The following AGBL4 variants were observed in gnomAD, a reference collection of about 807,000 sequenced individuals.
The protein encoded by AGBL4 is cytosolic carboxypeptidase 6.
AGBL4 carries 58 observed loss-of-function variants against 66.4 expected under a neutral mutation model. That is an observed-to-expected ratio of 0.87 (90% CI 0.71 to 1.09). The LOEUF (loss-of-function observed/expected upper bound fraction) is 1.09, where lower values mean the gene tolerates loss of function less well. Ranked by LOEUF, AGBL4 falls within the 50% of genes least tolerant of loss-of-function variation. The probability of loss-of-function intolerance (pLI) is 0.00; values close to 1 mark genes in which losing one functional copy is unlikely to be tolerated. For missense variants in AGBL4, 579 were observed against 631.0 expected (o/e 0.92, Z 0.88); for synonymous variants, 234 against 222.9 (o/e 1.05, Z -0.44).
intron 2 of AGBL4, among the ~76,000 whole-genome samples, chr1:49,796,489 A>G (rs1644732695): frequency 6.6e-6 from 1 of 151,532 alleles, no homozygotes; most frequent in Non-Finnish European, 1.5e-5. Context: ...ATTCTGTTAC[A>G]AAGACTATTA....
At chr1:49,155,565 C>G (rs1646413524) in intron 4 of AGBL4, among the ~76,000 whole-genome samples, 1 of 152,064 alleles carries the variant, frequency 6.6e-6, no homozygotes, top group Non-Finnish European at 1.5e-5. Flanking sequence ...GTCATATAGC[C>G]TGGTTCTAGG....
rs527288261 is a variant in AGBL4, at chr1:48,603,958, C to A, written c.952-12973G>T. Among the ~76,000 whole-genome samples the A allele has an allele frequency of 3.8e-3, 576 of 151,808 alleles. 4 individuals are homozygous for A. Among genetic ancestry groups the A allele is most frequent in the Middle Eastern group, 0.017 (5 of 294 alleles). ...ACTAAGAAAAACAACAAAACAACAA[C>A]AACAACAACAACAACAAAAACCAAA... On this transcript the variant is annotated intron_variant, in intron 9 of 13. Transcript: ENST00000371839.
At chr1:49,062,581 G>C (rs1399383523) in intron 4 of AGBL4, among the ~76,000 whole-genome samples, 1 of 152,202 alleles carries the variant, frequency 6.6e-6, no homozygotes, top group African/African-American at 2.4e-5. Context: ...AGTTGAAAAG[G>C]AAGGTGGAGG....
intron 5 of AGBL4, among the ~76,000 whole-genome samples, chr1:49,024,102 ATAAGT>A (rs1663455067): frequency 6.6e-6 from 1 of 152,188 alleles, no homozygotes; most frequent in South Asian, 2.1e-4. Context: ...ATTAATTTTG[ATAAGT>A]TGAGTTTACT....
chr1:49,660,767 A>G (rs931264374), intron 3 of AGBL4, among the ~76,000 whole-genome samples: 2 of 152,200 alleles, frequency 1.3e-5, no homozygotes, highest in African/African-American at 2.4e-5. Context: ...AATACTATGG[A>G]GTCATAAAAA....
chr1:49,504,122 G>C (rs1333155894), intron 3 of AGBL4, among the ~76,000 whole-genome samples: 1 of 152,028 alleles, frequency 6.6e-6, no homozygotes, highest in African/African-American at 2.4e-5. Context: ...ATGCTGTTCT[G>C]GTGATAGTGA....
chr1:49,065,905 C>T (rs780374355), intron 4 of AGBL4, among the ~76,000 whole-genome samples: 28 of 152,044 alleles, frequency 1.8e-4, no homozygotes, highest in Non-Finnish European at 3.5e-4. Context: ...GGGGAGAACA[C>T]GGGGAAAGTG....
intron 8 of AGBL4, among the ~76,000 whole-genome samples, chr1:48,639,937 G>A (rs182981963): frequency 8.5e-4 from 129 of 152,318 alleles, no homozygotes; most frequent in African/African-American, 3.0e-3. Context: ...GCTGCCTAAA[G>A]ACAGAGGAAC....
intron 2 of AGBL4, among the ~76,000 whole-genome samples, chr1:49,801,923 G>A: frequency 6.6e-6 from 1 of 152,184 alleles, no homozygotes; most frequent in East Asian, 1.9e-4. Flanking sequence ...TTTTAGAAGT[G>A]TCCTGTAAGA....
chr1:48,853,723 G>T (rs1647082285), intron 6 of AGBL4, among the ~76,000 whole-genome samples: 1 of 152,030 alleles, frequency 6.6e-6, no homozygotes, highest in South Asian at 2.1e-4. Context: ...TTATCCTTCA[G>T]ATTCCCATGA....
chr1:49,928,237 T>C (rs988687800), intron 1 of AGBL4, among the ~76,000 whole-genome samples: 1 of 152,102 alleles, frequency 6.6e-6, no homozygotes, highest in Admixed American at 6.5e-5. Context: ...GTACCTTTTT[T>C]ATTTTTTATT....
At chr1:49,318,147 T>C (rs1645071827) in intron 3 of AGBL4, among the ~76,000 whole-genome samples, 1 of 151,976 alleles carries the variant, frequency 6.6e-6, no homozygotes, top group South Asian at 2.1e-4. Context: ...TGACTTTTTA[T>C]TTAATAGTAT....
intron 5 of AGBL4, among the ~76,000 whole-genome samples, chr1:48,932,918 C>A (rs900230639): frequency 2.0e-5 from 3 of 152,136 alleles, no homozygotes; most frequent in African/African-American, 7.2e-5. Flanking sequence ...TAAAAACACA[C>A]ACACACACAC....
At chr1:48,753,099 G>A (rs962497906) in intron 6 of AGBL4, among the ~76,000 whole-genome samples, 4 of 152,174 alleles carry the variant, frequency 2.6e-5, no homozygotes, top group Non-Finnish European at 5.9e-5. Context: ...TCACTCTCTT[G>A]TACAGATGAG....
At position 49,565,781 on chromosome 1, in the gene AGBL4, G is replaced by A. The variant is rs771557716; in HGVS notation, c.282+131532C>T. Among the ~76,000 whole-genome samples the A allele has an allele frequency of 2.6e-4, 40 of 151,996 alleles. 2 individuals are homozygous for A. The highest frequency in any genetic ancestry group is 1.4e-3 in the Admixed American group (22 of 15,256). On this transcript the variant is annotated intron_variant, in intron 3 of 13. Transcript: ENST00000371839. ...GGTGAATCTGACAAGTATGTGTCTC[G>A]GAGTTGCTCTTCTTGAGGAGTATCT...
intron 3 of AGBL4, among the ~76,000 whole-genome samples, chr1:49,312,300 A>C (rs1305606011): frequency 1.3e-5 from 2 of 152,048 alleles, no homozygotes; most frequent in Non-Finnish European, 2.9e-5. Flanking sequence ...CCTCTGGAGG[A>C]TGCAGCAACA....
chr1:49,001,156 C>T (rs115575432), intron 5 of AGBL4, among the ~76,000 whole-genome samples: 227 of 152,248 alleles, frequency 1.5e-3, no homozygotes, highest in African/African-American at 4.9e-3. Context: ...TGCTTTGTTT[C>T]GAGAAGCTTC....
intron 5 of AGBL4, among the ~76,000 whole-genome samples, chr1:48,959,455 T>C (rs754450250): frequency 6.6e-6 from 1 of 152,230 alleles, no homozygotes; most frequent in Non-Finnish European, 1.5e-5. Flanking sequence ...ATGAATGTCA[T>C]AGCTCTCCAG....
At chr1:49,452,986 C>G (rs1182622685) in intron 3 of AGBL4, among the ~76,000 whole-genome samples, 1 of 151,800 alleles carries the variant, frequency 6.6e-6, no homozygotes, top group Non-Finnish European at 1.5e-5. Flanking sequence ...GATGCTCATG[C>G]CAGAAAAATA....
Sources: allele counts gnomAD v4.1 joint callset (sites outside exome capture counted in the v4.1 genomes callset), GRCh38; gene constraint gnomAD v4.1.1; transcripts MANE v1.5; gene names NCBI Gene and HGNC (gene_info 2026-07-23, HGNC 2026-07-21).